STKLD1: variants seen among roughly 807,000 people sequenced by gnomAD.
The protein encoded by STKLD1 is serine/threonine kinase like domain containing 1.
STKLD1 carries 79 observed loss-of-function variants against 80.4 expected under a neutral mutation model. That is an observed-to-expected ratio of 0.98 (90% CI 0.82 to 1.19). The LOEUF (loss-of-function observed/expected upper bound fraction) is 1.19, where lower values mean the gene tolerates loss of function less well. STKLD1 is among the 50% of genes most tolerant of loss of function. The probability of loss-of-function intolerance (pLI) is 0.00; values close to 1 mark genes in which losing one functional copy is unlikely to be tolerated. For synonymous variants in STKLD1, 393 were observed against 357.6 expected (o/e 1.10, Z -1.12); for missense variants, 841 against 856.0 (o/e 0.98, Z 0.22).
rs2130280374 is a variant in STKLD1 at position 133,387,683 on chromosome 9, G to A, written c.396+135G>A. The A allele has an allele frequency of 9.3e-3, 6,760 of 730,788 alleles. 47 individuals are homozygous for A. Among genetic ancestry groups the A allele is most frequent in the Middle Eastern group, 0.014 (61 of 4,392 alleles). The allele number at this position is 730,788 out of a possible 1,614,324, so 45.3% of individuals were successfully genotyped here. A position where few individuals can be genotyped will look rare whatever the true frequency, so the allele number is the denominator to read the frequency against. ...TGTTTTTTTCTTAAATGTGTGCCTCGAGGCATTGCACTCTAGGTAATGTGT... is the reference window on the plus strand; with the variant it reads ...TGTTTTTTTCTTAAATGTGTGCCTCAAGGCATTGCACTCTAGGTAATGTGT... On this transcript the variant is annotated intron_variant, in intron 5 of 17. Transcript: ENST00000371957.
chr9:133,400,836 G>A (rs952581656), intron 12 of STKLD1, among the ~76,000 whole-genome samples: 1 of 152,230 alleles, frequency 6.6e-6, no homozygotes, highest in African/African-American at 2.4e-5. Flanking sequence ...CCAGGAGCTT[G>A]GAGACGCGGA....
At chr9:133,395,422 T>G (rs1238781578) in intron 8 of STKLD1, among the ~76,000 whole-genome samples, 178 bp from the exon 9 acceptor site, 2 of 152,206 alleles carry the variant, frequency 1.3e-5, no homozygotes, top group African/African-American at 4.8e-5. Context: ...ACTCCATTTC[T>G]TCTTATGGAA....
chr9:133,382,855 A>G (rs959443587), intron 2 of STKLD1, among the ~76,000 whole-genome samples: 24 of 130,388 alleles, frequency 1.8e-4, no homozygotes, highest in South Asian at 8.2e-4. Flanking sequence ...TGGTGTGATG[A>G]TGGTGGTGGT....
Position 133,401,895 on chromosome 9 carries a change from C to T in STKLD1, c.1339+17C>T, listed in dbSNP as rs782020704. ...CAACCCAGGGTGTGTCTGCCAGCCA[C>T]CTCCTGCCCCACCCACGCTCCAGGA... On this transcript the variant is annotated intron_variant, in intron 13 of 17. Transcript: ENST00000371957. 81 of 1,611,920 alleles carry T rather than the reference C, an allele frequency of 5.0e-5. No homozygotes were observed. The Middle Eastern group carries it at 1.2e-3, about 23-fold the overall frequency.
At position 133,403,765 on chromosome 9, in the gene STKLD1, T is replaced by G; in HGVS notation, c.1540T>G (p.Tyr514Asp). The G allele has an allele frequency of 6.2e-7, 1 of 1,613,772 alleles. No homozygotes were observed. Among genetic ancestry groups the G allele is most frequent in the Non-Finnish European group, 8.5e-7 (1 of 1,179,950 alleles). ...PDLISQVLAT[Y>D]PADGEMAEAS... ...CCTCATCAGCCAGGTGTTGGCCACC[T>G]ACCCTGCGGATGGGGAAATGGCAGA... is the stretch of plus-strand genomic sequence containing the variant. The change falls in exon 15 of 18, where the codon TAC becomes GAC. Residue 514 changes from tyrosine (Y) to aspartate (D), a missense_variant. By Grantham distance (160) the Tyr-to-Asp change is radical. Coordinates refer to ENST00000371957, the MANE Select transcript of STKLD1 (RefSeq NM_153710.5).
chr9:133,385,011 A>G lies in STKLD1; in HGVS notation c.220-606A>G, dbSNP rs2130273492. Among the ~76,000 whole-genome samples the G allele has an allele frequency of 6.6e-6, 1 of 152,312 alleles. No individual in the cohort carries two copies. Among genetic ancestry groups the G allele is most frequent in the African/African-American group, 2.4e-5 (1 of 41,568 alleles). ...AGTGGTGGGCCCAGGCTACTCGGTA[A>G]CAAATGGGAAGAAAGAGCATGGGGC... On this transcript the variant is annotated intron_variant, in intron 3 of 17. Transcript: ENST00000371957. The surrounding 1 kb of genome is among the most constrained non-coding windows in gnomAD (Gnocchi z 4.9).
Position 133,395,591 on chromosome 9 carries a change from T to TCCGTGCAGGGCACAGAAG in STKLD1, c.703-6_714dup. On this transcript the variant is annotated splice_polypyrimidine_tract_variant and intron_variant, in intron 8 of 17. Transcript: ENST00000371957. ...AGGGAATACACAGAGCTGTCCTCTC[T>TCCGTGCAGGGCACAGAAG]CCGTGCAGGGCACAGAAGCCATGCA... 1 of 1,612,380 alleles carries TCCGTGCAGGGCACAGAAG rather than the reference T, an allele frequency of 6.2e-7. No homozygotes were observed. Among genetic ancestry groups the TCCGTGCAGGGCACAGAAG allele is most frequent in the Non-Finnish European group, 8.5e-7 (1 of 1,179,744 alleles).
chr9:133,392,867 G>A (rs1838443487), intron 7 of STKLD1, among the ~76,000 whole-genome samples: 1 of 69,670 alleles, frequency 1.4e-5, no homozygotes, highest in African/African-American at 6.9e-5. Flanking sequence ...GGGTGGGCAG[G>A]TGGGTGGGTT....
chr9:133,387,459 T>C lies in STKLD1; in HGVS notation c.307T>C (p.Tyr103His). Reference sequence around the variant, plus strand: ...CCTGTCCCAGCAGATCTCTTCTCTGTACCTCTGCCTGGTGATGGAGTTCAA... The same window carrying C: ...CCTGTCCCAGCAGATCTCTTCTCTGCACCTCTGCCTGGTGATGGAGTTCAA... Reference protein sequence around the residue: ...ITWNGEISSLYLCLVMEFNEL... With the variant: ...ITWNGEISSLHLCLVMEFNEL... The change falls in exon 5 of 18, where the codon TAC becomes CAC. Residue 103 changes from tyrosine (Y) to histidine (H), a missense_variant. Physicochemically the swap from Tyr to His is moderately conservative, Grantham distance 83. Coordinates refer to ENST00000371957, the MANE Select transcript of STKLD1 (RefSeq NM_153710.5). 6.2e-7 allele frequency: 1 copy of C among 1,613,936 alleles called. No individual in the cohort carries two copies. Among genetic ancestry groups the C allele is most frequent in the Non-Finnish European group, 8.5e-7 (1 of 1,179,890 alleles).
chr9:133,387,713 A>T (rs2130280493), intron 5 of STKLD1, 165 bp downstream of exon 5: 5 of 703,228 alleles, frequency 7.1e-6, no homozygotes, highest in Non-Finnish European at 1.3e-5. Flanking sequence ...ATGTGTGCAG[A>T]TCTTAAGTGC....
rs782647523 is a variant in STKLD1 at position 133,395,691 on chromosome 9, C to T, written c.794C>T (p.Pro265Leu). ...VLKTMEEKQI[P>L]DVETFRNLLP... is the part of the protein sequence containing the mutation. ...AAGACAATGGAGGAGAAGCAGATCC[C>T]GGATGTGGAAACCTTCAGGAATCTT... Residue 265 changes from proline to leucine, a missense_variant, in exon 9 of 18, where the codon CCG becomes CTG. By Grantham distance (98) the Pro-to-Leu change is moderately conservative. Transcript: ENST00000371957. 1.9e-5 allele frequency: 31 copies of T among 1,613,362 alleles called. No homozygotes were observed. The highest frequency in any genetic ancestry group is 1.3e-4 in the Admixed American group (8 of 60,008).
intron 1 of STKLD1, 47 bp from the exon 2 acceptor site, chr9:133,378,989 A>G: frequency 1.3e-6 from 2 of 1,570,192 alleles, no homozygotes; most frequent in Non-Finnish European, 1.7e-6. Flanking sequence ...TTGGAAAGGG[A>G]AAAGTTGTGT....
chr9:133,401,612 C>T, intron 12 of STKLD1, 126 bp from the exon 13 acceptor site: 1 of 1,241,190 alleles, frequency 8.1e-7, no homozygotes, highest in Non-Finnish European at 1.1e-6. Context: ...TGGGTCAGAA[C>T]AAGGCAGACC....
chr9:133,376,473 C>A lies in STKLD1; in HGVS notation c.-1C>A, dbSNP rs2130248289. 1.3e-6 allele frequency: 2 copies of A among 1,585,720 alleles called. No individual in the cohort carries two copies. The highest frequency in any genetic ancestry group is 2.3e-5 in the South Asian group (2 of 86,896). On this transcript the variant is annotated 5_prime_UTR_variant, in exon 1 of 18. Transcript: ENST00000371957. ...TCGCCCGTACGCGGTCGCTACTGAT[C>A]ATGCTTGGGCCAGGGTCCAATCGCA...
rs782729394 is a variant in STKLD1, at chr9:133,397,248, G to T, written c.951G>T (p.Ala317=). 4 of 1,613,862 alleles carry T rather than the reference G, an allele frequency of 2.5e-6. No individual in the cohort carries two copies. The highest frequency in any genetic ancestry group is 1.7e-5 in the Admixed American group (1 of 60,014). The stretch of plus-strand genomic sequence containing the variant: ...CCCTGCACCGGCAGATGGTGCCTGC[G>T]TCCATCACCGACATGCTGTTAGAAG... ...SLTLHRQMVP[A]SITDMLLEGN... The change falls in exon 10 of 18, where the codon GCG becomes GCT. Residue 317 remains alanine, a synonymous_variant. Coordinates refer to ENST00000371957, the MANE Select transcript of STKLD1 (RefSeq NM_153710.5).
chr9:133,398,823 G>T (rs1345893336), intron 11 of STKLD1, among the ~76,000 whole-genome samples: 1 of 139,186 alleles, frequency 7.2e-6, no homozygotes, highest in South Asian at 2.5e-4. Context: ...GGAGAGTGTT[G>T]GGAAAAGCAG....
chr9:133,379,781 C>G (rs1838090294), intron 2 of STKLD1, among the ~76,000 whole-genome samples: 1 of 152,156 alleles, frequency 6.6e-6, no homozygotes, highest in Non-Finnish European at 1.5e-5. Flanking sequence ...TGCAAGAGTC[C>G]CTGGCATGCC....
chr9:133,383,281 G>T (rs1838185736), intron 2 of STKLD1, among the ~76,000 whole-genome samples: 1 of 6,854 alleles, frequency 1.5e-4, no homozygotes, highest in African/African-American at 6.1e-4. Context: ...GGTAATGGTG[G>T]TGGTGTGATG....
In STKLD1 at chr9:133,395,775, G is replaced by A. The variant is rs1554776642; in HGVS notation, c.866+12G>A. 6.2e-7 allele frequency: 1 copy of A among 1,612,450 alleles called. No individual in the cohort carries two copies. The highest frequency in any genetic ancestry group is 8.5e-7 in the Non-Finnish European group (1 of 1,179,414). Reference sequence around the variant, plus strand: ...CGAATAACGATAAAGTGAGCTCAGGGTCGGGGTTTATTTTAACCTGTGGAT... The same window carrying A: ...CGAATAACGATAAAGTGAGCTCAGGATCGGGGTTTATTTTAACCTGTGGAT... On this transcript the variant is annotated intron_variant, in intron 9 of 17. Coordinates refer to ENST00000371957, the MANE Select transcript of STKLD1 (RefSeq NM_153710.5).
Sources: gnomAD v4.1 joint callset for allele counts (sites outside exome capture counted in the v4.1 genomes callset) on GRCh38, gnomAD v4.1.1 for gene constraint, Gnocchi (gnomAD v3.1) non-coding constraint, MANE v1.5 for transcripts, NCBI Gene and HGNC (gene_info 2026-07-23, HGNC 2026-07-21) for gene names.